The following IL10RB variants were observed in gnomAD, a reference collection of about 807,000 sequenced individuals.
The protein encoded by IL10RB is interleukin 10 receptor subunit beta.
A neutral mutation model predicts 38.7 loss-of-function variants in IL10RB; 30 were observed. The observed-to-expected ratio is 0.78, with a 90% CI of 0.58 to 1.05. IL10RB has a LOEUF of 1.05. IL10RB is among the 50% of genes least tolerant of loss of function. The probability of loss-of-function intolerance (pLI) is 0.00; values close to 1 mark genes in which losing one functional copy is unlikely to be tolerated. For synonymous variants in IL10RB, 142 were observed against 145.9 expected, an observed-to-expected ratio of 0.97 and a Z score of 0.19; for missense variants, 328 against 397.1, an observed-to-expected ratio of 0.83 and a Z score of 1.48.
intron 1 of IL10RB, among the ~76,000 whole-genome samples, chr21:33,266,719 C>A (rs8178439): frequency 7.3e-4 from 111 of 152,352 alleles, no homozygotes; most frequent in African/African-American, 2.2e-3. Context: ...GCCCCATCCG[C>A]GCCCGGATTA....
intron 6 of IL10RB, among the ~76,000 whole-genome samples, chr21:33,289,620 C>G (rs1183646320): frequency 6.6e-5 from 10 of 152,128 alleles, no homozygotes; most frequent in African/African-American, 9.7e-5. Flanking sequence ...CAGGGGAGTC[C>G]CAGGAGGTGC....
In IL10RB at chr21:33,288,381, G is replaced by A. The variant is rs2850007; in HGVS notation, c.804+120G>A. The A allele has an allele frequency of 0.012, 6,658 of 547,636 alleles. 104 individuals are homozygous for A. The African/African-American group carries it at 0.13, about 11-fold the overall frequency. The allele number at this position is 547,636 out of a possible 1,614,324, so 33.9% of individuals were successfully genotyped here. ...TCCAGGAAAACACACACGCGCGCGC[G>A]CACACACACACACACACACACACAG... On this transcript the variant is annotated intron_variant, in intron 6 of 6. Coordinates refer to ENST00000290200, the MANE Select transcript of IL10RB (RefSeq NM_000628.5).
intron 6 of IL10RB, among the ~76,000 whole-genome samples, chr21:33,295,229 G>A (rs1370244887): frequency 3.3e-5 from 5 of 151,988 alleles, no homozygotes; most frequent in Admixed American, 2.0e-4. Flanking sequence ...AAGGTGGTGG[G>A]CGCCTATAGT....
intron 5 of IL10RB, among the ~76,000 whole-genome samples, chr21:33,283,684 C>CT (rs1989320995): frequency 1.3e-5 from 2 of 152,214 alleles, no homozygotes; most frequent in Non-Finnish European, 2.9e-5. Flanking sequence ...GACCACGGTC[C>CT]TCAGCCAGTG....
At chr21:33,273,464 C>A (rs967748414) in intron 2 of IL10RB, among the ~76,000 whole-genome samples, 3 of 152,216 alleles carry the variant, frequency 2.0e-5, no homozygotes, top group African/African-American at 7.2e-5. Context: ...TCAGAGCCTT[C>A]AGCAAGTCAT....
intron 1 of IL10RB, chr21:33,268,190 C>A: frequency 6.8e-7 from 1 of 1,464,634 alleles, no homozygotes; most frequent in Non-Finnish European, 9.0e-7. Context: ...CCATTTTACT[C>A]CTGCCCCTCC....
rs1266624847 is a variant in IL10RB, at chr21:33,279,738, GTTC to G, written c.332-9_332-7del. On this transcript the variant is annotated splice_polypyrimidine_tract_variant and intron_variant, in intron 3 of 6. Coordinates refer to ENST00000290200, the MANE Select transcript of IL10RB (RefSeq NM_000628.5). ...GTGATTTTTGATTGTCATTTTGCTT[GTTC>G]TTCTGCTTAGCCATTATTGGACCCC... 1 of 1,611,916 alleles carries G rather than the reference GTTC, an allele frequency of 6.2e-7. No homozygotes were observed. Among genetic ancestry groups the G allele is most frequent in the Non-Finnish European group, 8.5e-7 (1 of 1,178,118 alleles).
chr21:33,272,740 C>T (rs775740048), intron 2 of IL10RB, among the ~76,000 whole-genome samples: 1 of 152,312 alleles, frequency 6.6e-6, no homozygotes, highest in South Asian at 2.1e-4. Context: ...GCCACTGAGC[C>T]GGGCCAGCTC....
chr21:33,304,341 A>G (rs2082993256), intron 1 of IL10RB, among the ~76,000 whole-genome samples: 1 of 152,200 alleles, frequency 6.6e-6, no homozygotes, highest in African/African-American at 2.4e-5. Flanking sequence ...CCAGTTGAAC[A>G]GCCAAAGCCT....
intron 6 of IL10RB, among the ~76,000 whole-genome samples, chr21:33,291,777 G>C (rs1271083396): frequency 6.6e-6 from 1 of 152,138 alleles, no homozygotes; most frequent in Non-Finnish European, 1.5e-5. Context: ...CTACCAGGTG[G>C]CTGGTCAGTC....
chr21:33,266,615 C>T, intron 1 of IL10RB, 101 bp downstream of exon 1: 1 of 1,180,754 alleles, frequency 8.5e-7, no homozygotes, highest in South Asian at 1.3e-5. Context: ...GACTTAAGAG[C>T]CTTCGGGGCC....
rs537863619 is a variant in IL10RB, at chr21:33,291,819, A to G, written c.804+3558A>G. Among the ~76,000 whole-genome samples the G allele has an allele frequency of 1.8e-3, 269 of 152,292 alleles. 1 individual carries two copies. The highest frequency in any genetic ancestry group is 2.5e-3 in the Non-Finnish European group (167 of 68,016). On this transcript the variant is annotated intron_variant, in intron 6 of 6. Transcript: ENST00000290200. ...GGGAATGCCGTCATATCAGGGGCTC[A>G]GCATTGATCTCTGTCGCAGGCAGGT...
chr21:33,277,733 G>T (rs925894207), intron 3 of IL10RB, among the ~76,000 whole-genome samples: 1 of 142,690 alleles, frequency 7.0e-6, no homozygotes, highest in Non-Finnish European at 1.5e-5. Flanking sequence ...GTGCAGTGGC[G>T]CGATCTCAGA....
intron 5 of IL10RB, among the ~76,000 whole-genome samples, chr21:33,285,860 G>A (rs1395894629): frequency 6.6e-6 from 1 of 152,144 alleles, no homozygotes; most frequent in African/African-American, 2.4e-5. Flanking sequence ...GTGGACTGGG[G>A]GCCGCTCCAG....
At chr21:33,283,640 C>A (rs1019297689) in intron 5 of IL10RB, among the ~76,000 whole-genome samples, 1 of 152,142 alleles carries the variant, frequency 6.6e-6, no homozygotes, top group African/African-American at 2.4e-5. Flanking sequence ...CAGCCACTGC[C>A]GACATGTGAT....
At chr21:33,293,423 T>C (rs903945545) in intron 6 of IL10RB, among the ~76,000 whole-genome samples, 1 of 152,108 alleles carries the variant, frequency 6.6e-6, no homozygotes, top group Non-Finnish European at 1.5e-5. Flanking sequence ...AACAAGCGCC[T>C]CCTCCACAAA....
At chr21:33,300,346 C>T (rs961909671), downstream of IL10RB, among the ~76,000 whole-genome samples, 1 of 151,252 alleles carries the variant, frequency 6.6e-6, no homozygotes, top group Non-Finnish European at 1.5e-5. Flanking sequence ...GAGGCTGAGG[C>T]AGAAGAATTG....
At chr21:33,267,895 CTCATTCAT>C (rs1989001627) in intron 1 of IL10RB, 2 of 236,146 alleles carry the variant, frequency 8.5e-6, no homozygotes, top group Admixed American at 5.2e-5. Context: ...GACCTCTGGG[CTCATTCAT>C]CTGGCTGTCT....
At chr21:33,305,919 C>T (rs1423536397) in intron 1 of IL10RB, among the ~76,000 whole-genome samples, 1 of 152,146 alleles carries the variant, frequency 6.6e-6, no homozygotes, top group Non-Finnish European at 1.5e-5. Context: ...GCAATCTCCA[C>T]CTCCCAGGTT....
Sources: gnomAD v4.1 joint callset for allele counts (sites outside exome capture counted in the v4.1 genomes callset) on GRCh38, gnomAD v4.1.1 for gene constraint, MANE v1.5 for transcripts, NCBI Gene and HGNC (gene_info 2026-07-23, HGNC 2026-07-21) for gene names.